The following CHD7 variants were observed in gnomAD, a reference collection of about 807,000 sequenced individuals.
The protein encoded by CHD7 is chromodomain helicase DNA binding protein 7.
CHD7 carries 24 observed loss-of-function variants against 307.3 expected under a neutral mutation model. That is an observed-to-expected ratio of 0.08 (90% CI 0.06 to 0.11). The LOEUF (loss-of-function observed/expected upper bound fraction) is 0.11. CHD7 is among the 10% of genes least tolerant of loss of function. CHD7 has a pLI of 1.00. For synonymous variants in CHD7, 1,363 were observed against 1,349.9 expected (o/e 1.01, Z -0.21); for missense variants, 3,106 against 3,727.1 (o/e 0.83, Z 4.34).
intron 6 of CHD7, among the ~76,000 whole-genome samples, chr8:60,803,134 A>G (rs1430596162): frequency 6.6e-6 from 1 of 152,226 alleles, no homozygotes; most frequent in Non-Finnish European, 1.5e-5. Flanking sequence ...AGAACTGCTA[A>G]TTTATGAATT....
chr8:60,794,440 C>T (rs1452227074), intron 3 of CHD7, among the ~76,000 whole-genome samples: 1 of 152,114 alleles, frequency 6.6e-6, no homozygotes, highest in African/African-American at 2.4e-5. Context: ...ATTAAGAACA[C>T]AGTACCTACT....
At chr8:60,819,196 G>A (rs1038053907) in intron 8 of CHD7, among the ~76,000 whole-genome samples, 10 of 151,998 alleles carry the variant, frequency 6.6e-5, no homozygotes, top group Admixed American at 1.3e-4. Context: ...CTCGTGATCC[G>A]CCTGCCTTGG....
chr8:60,820,895 A>G (rs1481185565), intron 9 of CHD7, among the ~76,000 whole-genome samples: 1 of 152,188 alleles, frequency 6.6e-6, no homozygotes, highest in Admixed American at 6.5e-5. Context: ...GTTTCATAGC[A>G]TATTTACATT....
rs74898457 is a variant in CHD7 at position 60,808,342 on chromosome 8, T to A, written c.2498+70T>A. The A allele has an allele frequency of 0.015, 14,437 of 949,762 alleles. 122 individuals carry two copies. The highest frequency in any genetic ancestry group is 0.019 in the Non-Finnish European group (11,894 of 624,632). The allele number at this position is 949,762 out of a possible 1,614,324, so 58.8% of individuals were successfully genotyped here. ...CAAGTAGTAAACGACCATTTTTTTT[T>A]AAAGTTGGGAAATTAAGAAACTTTG... On this transcript the variant is annotated intron_variant, in intron 7 of 37. Coordinates refer to ENST00000423902, the MANE Select transcript of CHD7 (RefSeq NM_017780.4).
intron 9 of CHD7, 147 bp from the exon 10 acceptor site, chr8:60,821,643 C>CAT (rs139974846): frequency 2.0e-5 from 11 of 546,392 alleles, no homozygotes; most frequent in East Asian, 3.3e-5. Flanking sequence ...TATGTATAAA[C>CAT]ATATATATAC....
chr8:60,779,717 G>A (rs536853094), intron 2 of CHD7, among the ~76,000 whole-genome samples: 7 of 152,324 alleles, frequency 4.6e-5, no homozygotes, highest in African/African-American at 1.7e-4. Flanking sequence ...CTCTGGAGAT[G>A]TGGGCCTGGG....
At position 60,850,517 on chromosome 8, in the gene CHD7, G is replaced by A. The variant is rs755632561; in HGVS notation, c.5429G>A (p.Arg1810Gln). 32 of 1,613,570 alleles carry A rather than the reference G, an allele frequency of 2.0e-5. 1 individual carries two copies. The highest frequency in any genetic ancestry group is 1.1e-4 in the South Asian group (10 of 90,990). Residue 1810 changes from arginine to glutamine, a missense_variant, in exon 26 of 38, where the codon CGA becomes CAA. This residue lies in a region of CHD7 where 1,030 missense variants were observed against 1,165.4 expected (regional missense o/e 0.88). Transcript: ENST00000423902. ...GGCTATGAGAAGTACAACTCCATGC[G>A]AGCTGACCCCGCGCTGTGCTTTCTG... ...KHGYEKYNSM[R>Q]ADPALCFLER...
chr8:60,706,412 A>G (rs1489199788), intron 1 of CHD7, among the ~76,000 whole-genome samples: 1 of 152,242 alleles, frequency 6.6e-6, no homozygotes, highest in Admixed American at 6.5e-5. Context: ...GTGCTTGACT[A>G]GAATTTTGCA....
chr8:60,713,314 T>C (rs1807382744), intron 1 of CHD7, among the ~76,000 whole-genome samples: 1 of 152,074 alleles, frequency 6.6e-6, no homozygotes. Flanking sequence ...GGTTTCGCCA[T>C]ATTGGCCAGG....
At chr8:60,737,314 T>C (rs1272899091) in intron 1 of CHD7, among the ~76,000 whole-genome samples, 1 of 152,236 alleles carries the variant, frequency 6.6e-6, no homozygotes. Flanking sequence ...AGTGATTCTC[T>C]GAATAAAACA....
chr8:60,724,842 T>C (rs952998608), intron 1 of CHD7, among the ~76,000 whole-genome samples: 2 of 152,228 alleles, frequency 1.3e-5, no homozygotes, highest in East Asian at 3.9e-4. Context: ...GAAGAGAAAA[T>C]GCTGATGTTA....
intron 2 of CHD7, among the ~76,000 whole-genome samples, chr8:60,750,492 T>C (rs1279632554): frequency 6.6e-6 from 1 of 152,224 alleles, no homozygotes; most frequent in Non-Finnish European, 1.5e-5. Context: ...TGTCCAGTTA[T>C]ATGATGGGAG....
chr8:60,737,739 T>G (rs1444811156), intron 1 of CHD7, among the ~76,000 whole-genome samples: 3 of 152,252 alleles, frequency 2.0e-5, no homozygotes, highest in Non-Finnish European at 4.4e-5. Flanking sequence ...TTGCTACATA[T>G]TCTCACATTT....
intron 28 of CHD7, 68 bp downstream of exon 28, chr8:60,851,387 G>A (rs1805451099): frequency 1.0e-5 from 12 of 1,176,040 alleles, no homozygotes; most frequent in South Asian, 2.6e-5. Flanking sequence ...CACGTGGTAG[G>A]GACTGTCCTG....
At position 60,741,776 on chromosome 8, in the gene CHD7, ATGGTGGCAG is replaced by A. The variant is rs1158222427; in HGVS notation, c.352_360del (p.Ser118_Gly120del). 6.2e-7 allele frequency: 1 copy of A among 1,613,708 alleles called. No homozygotes were observed. The highest frequency in any genetic ancestry group is 1.7e-5 in the Admixed American group (1 of 59,988). ...ACCCCTCCCGTTCCTCAGGTGCCCCATGGTGGCAGTGGTGGCGGTCAGATGGGTGTCTAC... is the reference window on the plus strand; with the variant it reads ...ACCCCTCCCGTTCCTCAGGTGCCCCATGGTGGCGGTCAGATGGGTGTCTAC... On this transcript the variant is annotated inframe_deletion, in exon 2 of 38. Coordinates refer to ENST00000423902, the MANE Select transcript of CHD7 (RefSeq NM_017780.4).
intron 1 of CHD7, among the ~76,000 whole-genome samples, chr8:60,709,843 C>T (rs1301286218): frequency 6.6e-6 from 1 of 152,006 alleles, no homozygotes; most frequent in Non-Finnish European, 1.5e-5. Context: ...ATAGAAAATG[C>T]CATTTAAAGA....
chr8:60,778,344 T>G (rs955322914), intron 2 of CHD7, among the ~76,000 whole-genome samples: 8 of 152,244 alleles, frequency 5.3e-5, no homozygotes, highest in Non-Finnish European at 7.3e-5. Flanking sequence ...CAAACAGAAT[T>G]AATACTTTTT....
At chr8:60,832,472 G>C (rs1278502130) in intron 15 of CHD7, among the ~76,000 whole-genome samples, 3 of 152,220 alleles carry the variant, frequency 2.0e-5, no homozygotes, top group Non-Finnish European at 4.4e-5. Flanking sequence ...GCCAGGTCTT[G>C]AGTTGGCGAG....
chr8:60,732,932 G>A (rs1808524726), intron 1 of CHD7, among the ~76,000 whole-genome samples: 1 of 151,890 alleles, frequency 6.6e-6, no homozygotes, highest in African/African-American at 2.4e-5. Context: ...AATTAATTAG[G>A]ATAACATTCA....
Sources: gnomAD v4.1 joint callset for allele counts (sites outside exome capture counted in the v4.1 genomes callset) on GRCh38, gnomAD v4.1.1 for gene constraint, gnomAD v4.1.1 regional missense constraint, MANE v1.5 for transcripts, NCBI Gene and HGNC (gene_info 2026-07-23, HGNC 2026-07-21) for gene names.